Variants in SLC44A5 observed in about 807,000 individuals in gnomAD.
The protein encoded by SLC44A5 is choline transporter-like protein 5.
A neutral mutation model predicts 101.8 loss-of-function variants in SLC44A5; 57 were observed. The ratio of observed to expected loss-of-function variants is 0.56; its 90% confidence interval spans 0.45 to 0.70. SLC44A5 has a LOEUF of 0.70. Among genes scored for constraint, SLC44A5 ranks in the 30% least tolerant of loss-of-function variants. The pLI is 0.00. For missense variants in SLC44A5, 737 were observed against 853.1 expected, an observed-to-expected ratio of 0.86 and a Z score of 1.70; for synonymous variants, 281 against 290.9, an observed-to-expected ratio of 0.97 and a Z score of 0.35.
At chr1:75,317,364 C>T (rs1655773070) in intron 4 of SLC44A5, among the ~76,000 whole-genome samples, 1 of 152,136 alleles carries the variant, frequency 6.6e-6, no homozygotes, top group Admixed American at 6.5e-5. Context: ...ATTTTTAATG[C>T]CAGAGACATA....
At chr1:75,683,177 C>G in the SLC44A5 span, among the ~76,000 whole-genome samples, 8 of 151,112 alleles carry the variant, frequency 5.3e-5, no homozygotes, top group Non-Finnish European at 1.0e-4. Context: ...ACTAGTTCAA[C>G]CATTGTGGAA....
At chr1:75,334,450 C>T (rs143833215) in intron 4 of SLC44A5, among the ~76,000 whole-genome samples, 2 of 152,232 alleles carry the variant, frequency 1.3e-5, no homozygotes, top group East Asian at 3.9e-4. Flanking sequence ...TCAACTCAGG[C>T]AGTTGTCCTG....
chr1:75,397,257 G>T (rs1248751102), intron 2 of SLC44A5, among the ~76,000 whole-genome samples: 1 of 152,066 alleles, frequency 6.6e-6, no homozygotes, highest in Non-Finnish European at 1.5e-5. Flanking sequence ...AACAATAACA[G>T]CATCCTAATG....
chr1:75,652,198 C>T, the SLC44A5 span, among the ~76,000 whole-genome samples: 1 of 152,144 alleles, frequency 6.6e-6, no homozygotes, highest in Non-Finnish European at 1.5e-5. Flanking sequence ...TTGTAGACAG[C>T]TCACCCCAAG....
intron 2 of SLC44A5, among the ~76,000 whole-genome samples, chr1:75,504,654 A>G (rs1669148257): frequency 6.6e-6 from 1 of 152,092 alleles, no homozygotes; most frequent in Non-Finnish European, 1.5e-5. Flanking sequence ...GACCAAGTAA[A>G]GGATGTCAAT....
chr1:75,209,372 C>T (rs1435992893), intron 23 of SLC44A5, among the ~76,000 whole-genome samples: 1 of 152,140 alleles, frequency 6.6e-6, no homozygotes, highest in Non-Finnish European at 1.5e-5. Flanking sequence ...TTATTGCTCC[C>T]ATGGTTAATG....
At chr1:75,616,722 G>C in the SLC44A5 span, among the ~76,000 whole-genome samples, 2 of 152,316 alleles carry the variant, frequency 1.3e-5, no homozygotes, top group African/African-American at 4.8e-5. Flanking sequence ...CTGATGGAGG[G>C]GAGAGAAATG....
chr1:75,681,092 A>G, the SLC44A5 span, among the ~76,000 whole-genome samples: 1 of 151,814 alleles, frequency 6.6e-6, no homozygotes, highest in South Asian at 2.1e-4. Context: ...TAGACCAATA[A>G]CAGGATCTGA....
chr1:75,387,341 A>C (rs1661432924), intron 3 of SLC44A5, among the ~76,000 whole-genome samples: 1 of 142,688 alleles, frequency 7.0e-6, no homozygotes, highest in African/African-American at 2.7e-5. Flanking sequence ...CAGAATCTAC[A>C]ATGAACTCAA....
At chr1:75,453,200 G>A (rs1450981215) in intron 2 of SLC44A5, among the ~76,000 whole-genome samples, 2 of 151,946 alleles carry the variant, frequency 1.3e-5, no homozygotes, top group Non-Finnish European at 2.9e-5. Flanking sequence ...GACCATAGTG[G>A]AATAAAAATA....
At chr1:75,564,603 T>TTTTATATATTTATTTATTTATTTA (rs1672691333) in intron 1 of SLC44A5, among the ~76,000 whole-genome samples, 1 of 138,042 alleles carries the variant, frequency 7.2e-6, no homozygotes, top group African/African-American at 2.7e-5. Flanking sequence ...TTTTTTTAAT[T>TTTTATATATTTATTTATTTATTTA]TTTATTTATT....
At chr1:75,213,641 A>G in intron 22 of SLC44A5, 64 bp downstream of exon 22, 1 of 1,174,440 alleles carries the variant, frequency 8.5e-7, no homozygotes, top group Non-Finnish European at 1.3e-6. Flanking sequence ...TCTGTTGTTT[A>G]AGTCATCCAG....
chr1:75,630,941 G>C, the SLC44A5 span, among the ~76,000 whole-genome samples: 1 of 144,268 alleles, frequency 6.9e-6, no homozygotes. Context: ...CGCCTATCCG[G>C]GGAGCCATAT....
chr1:75,482,445 A>T (rs1667926567), intron 2 of SLC44A5, among the ~76,000 whole-genome samples: 1 of 152,116 alleles, frequency 6.6e-6, no homozygotes. Flanking sequence ...AAATAAAAAA[A>T]AAGAATTCTA....
chr1:75,237,430 T>C (rs536392075), intron 10 of SLC44A5, among the ~76,000 whole-genome samples: 5 of 152,188 alleles, frequency 3.3e-5, no homozygotes, highest in African/African-American at 1.2e-4. Context: ...ACATGATCTT[T>C]AATTCCTCTT....
At chr1:75,569,240 T>G (rs1395484196) in intron 1 of SLC44A5, among the ~76,000 whole-genome samples, 1 of 47,332 alleles carries the variant, frequency 2.1e-5, no homozygotes, top group East Asian at 2.3e-4. Flanking sequence ...ATCTCTACCT[T>G]TTTTTTTTTT....
chr1:75,526,646 C>T (rs533202996), intron 2 of SLC44A5, among the ~76,000 whole-genome samples: 1 of 152,280 alleles, frequency 6.6e-6, no homozygotes, highest in African/African-American at 2.4e-5. Flanking sequence ...TTCTGAGAGG[C>T]TAACAGGAAA....
intron 6 of SLC44A5, among the ~76,000 whole-genome samples, chr1:75,265,909 C>CT (rs1187301808): frequency 3.3e-5 from 5 of 152,080 alleles, no homozygotes; most frequent in Non-Finnish European, 7.4e-5. Flanking sequence ...ATCACGTTCT[C>CT]TTTTTTTGTG....
At chr1:75,362,618 ATTC>A (rs1221604708) in intron 3 of SLC44A5, among the ~76,000 whole-genome samples, 2 of 152,088 alleles carry the variant, frequency 1.3e-5, no homozygotes, top group East Asian at 3.9e-4. Context: ...TCTGAAATTC[ATTC>A]TTTTATGATT....
Sources: gnomAD v4.1 joint callset for allele counts (sites outside exome capture counted in the v4.1 genomes callset) on GRCh38, gnomAD v4.1.1 for gene constraint, MANE v1.5 for transcripts, NCBI Gene and HGNC (gene_info 2026-07-23, HGNC 2026-07-21) for gene names.